The following USP32 variants were observed in gnomAD, a reference collection of about 807,000 sequenced individuals.
USP32 encodes ubiquitin specific peptidase 32.
In USP32, 59 loss-of-function variants were observed where a neutral mutation model predicts 204.8. That is an observed-to-expected ratio of 0.29 (90% confidence interval 0.23 to 0.36). USP32 has a LOEUF of 0.36. Ranked by LOEUF, USP32 falls within the 10% of genes least tolerant of loss-of-function variation. The pLI, the probability that USP32 is intolerant of heterozygous loss-of-function variation, is 1.00. For synonymous variants in USP32, 517 were observed against 678.4 expected (o/e 0.76, Z 3.70); for missense variants, 1,160 against 1,946.4 (o/e 0.60, Z 7.60).
chr17:60,400,100 GATT>G (rs1165965726), intron 1 of USP32, among the ~76,000 whole-genome samples: 1 of 152,078 alleles, frequency 6.6e-6, no homozygotes, highest in Non-Finnish European at 1.5e-5. Flanking sequence ...GAGTAGCTGG[GATT>G]ATAGGCATGC....
chr17:60,304,080 T>C (rs561519413), intron 2 of USP32, among the ~76,000 whole-genome samples: 36 of 151,954 alleles, frequency 2.4e-4, no homozygotes, highest in Non-Finnish European at 4.6e-4. Flanking sequence ...ACAAGCAGAA[T>C]AGATCACACC....
rs761050329 is a variant in USP32, at chr17:60,391,957, G to A, written c.-18C>T. 5 of 1,607,184 alleles carry A rather than the reference G, an allele frequency of 3.1e-6. No individual in the cohort carries two copies. Among genetic ancestry groups the A allele is most frequent in the South Asian group, 1.1e-5 (1 of 90,068 alleles). ...GCACCCATGCTCCCCTCATCCCCTC[G>A]GCGGGGGGTCGGAGCCTGATCTCGC... On this transcript the variant is annotated 5_prime_UTR_variant, in exon 1 of 34. Transcript: ENST00000300896.
intron 1 of USP32, among the ~76,000 whole-genome samples, chr17:60,374,862 A>G (rs2089509930): frequency 6.6e-6 from 1 of 152,354 alleles, no homozygotes; most frequent in Non-Finnish European, 1.5e-5. Flanking sequence ...TCCATCGTTA[A>G]CCAAAACATC....
chr17:60,402,287 G>C (rs111675414), intron 1 of USP32, among the ~76,000 whole-genome samples: 129 of 114,840 alleles, frequency 1.1e-3, no homozygotes, highest in African/African-American at 3.9e-3. Context: ...GTCTCACTCT[G>C]TTGCCCAGGC....
In USP32 at chr17:60,329,651, C is replaced by A. The variant is rs146908333; in HGVS notation, c.186+15830G>T. Among the ~76,000 whole-genome samples, 823 of 152,104 alleles carry A rather than the reference C, an allele frequency of 5.4e-3. 6 individuals carry two copies. The highest frequency in any genetic ancestry group is 0.019 in the African/African-American group (789 of 41,480). On this transcript the variant is annotated intron_variant, in intron 2 of 33. Transcript: ENST00000300896. ...ATAGAACACTCCTTATTACTTTTCT[C>A]CCTTCCTCAACTCTTAAAAGCAAAG...
chr17:60,187,714 T>G (rs1425832692), intron 29 of USP32, among the ~76,000 whole-genome samples: 1 of 152,252 alleles, frequency 6.6e-6, no homozygotes, highest in Admixed American at 6.5e-5. Context: ...AACATATTTG[T>G]GGACTGTACT....
chr17:60,363,580 C>T (rs946585925), intron 1 of USP32, among the ~76,000 whole-genome samples: 1 of 151,518 alleles, frequency 6.6e-6, no homozygotes, highest in Non-Finnish European at 1.5e-5. Context: ...CAGTAGTGCA[C>T]TGTAGGCTTG....
chr17:60,347,913 G>C (rs1361572043), intron 1 of USP32, among the ~76,000 whole-genome samples: 1 of 151,628 alleles, frequency 6.6e-6, no homozygotes, highest in African/African-American at 2.4e-5. Context: ...ACGAGGTCAG[G>C]AGATCCAGAC....
chr17:60,231,058 T>C (rs2085534662), intron 12 of USP32, among the ~76,000 whole-genome samples: 1 of 152,202 alleles, frequency 6.6e-6, no homozygotes, highest in Non-Finnish European at 1.5e-5. Flanking sequence ...TAGAGAGAAA[T>C]GTCCTCATTT....
chr17:60,255,141 T>C, intron 10 of USP32, 34 bp downstream of exon 10: 1 of 1,513,276 alleles, frequency 6.6e-7, no homozygotes, highest in East Asian at 2.3e-5. Flanking sequence ...CTGGTACTAC[T>C]ACCCTCTGTT....
intron 2 of USP32, among the ~76,000 whole-genome samples, chr17:60,323,026 G>A (rs1461380309): frequency 2.0e-5 from 3 of 152,118 alleles, no homozygotes; most frequent in Non-Finnish European, 4.4e-5. Context: ...TAGGGAAATT[G>A]GAACCCACAT....
intron 1 of USP32, among the ~76,000 whole-genome samples, chr17:60,360,518 G>T (rs1246984268): frequency 6.6e-6 from 1 of 151,690 alleles, no homozygotes; most frequent in Non-Finnish European, 1.5e-5. Flanking sequence ...AGTTAGCCAG[G>T]CGTGGTGGCA....
At chr17:60,410,746 T>C (rs2090011329) in intron 1 of USP32, among the ~76,000 whole-genome samples, 1 of 152,064 alleles carries the variant, frequency 6.6e-6, no homozygotes, top group Non-Finnish European at 1.5e-5. Context: ...TATAATGCTA[T>C]ATAAATCACA....
At chr17:60,192,750 A>T in intron 28 of USP32, 94 bp downstream of exon 28, 1 of 1,443,410 alleles carries the variant, frequency 6.9e-7, no homozygotes, top group Non-Finnish European at 9.6e-7. Flanking sequence ...CTCATTATTC[A>T]CTATTTACTT....
intron 26 of USP32, among the ~76,000 whole-genome samples, chr17:60,200,257 C>G (rs1031102509): frequency 3.3e-5 from 5 of 151,588 alleles, no homozygotes; most frequent in African/African-American, 1.2e-4. Flanking sequence ...AAATAAAAAT[C>G]AGAGGTAAAA....
At chr17:60,336,003 T>C (rs1359384031) in intron 2 of USP32, among the ~76,000 whole-genome samples, 1 of 143,214 alleles carries the variant, frequency 7.0e-6, no homozygotes, top group Non-Finnish European at 1.5e-5. Context: ...TTTTATCGTC[T>C]ACTACACTAG....
In USP32 at chr17:60,183,185, T is replaced by G. The variant is rs1445620759; in HGVS notation, c.4103A>C (p.Asn1368Thr). Residue 1368 changes from asparagine (N) to threonine (T), a missense_variant, in exon 31 of 34, where the codon AAC becomes ACC. Asn to Thr is a moderately conservative substitution (Grantham distance 65). Around this residue, in one of 8 missense-constraint regions of USP32, gnomAD observed 244 missense variants for 342.3 expected, o/e 0.71. Transcript: ENST00000300896. ...LSKSPSSLSA[N>T]IISSPKGSPS... ...CTCACCTTTCGGGCTGCTGATGATG[T>G]TAGCGCTGAGTGAGGATGGGCTTTT... 1 of 1,613,662 alleles carries G rather than the reference T, an allele frequency of 6.2e-7. No homozygotes were observed. Among genetic ancestry groups the G allele is most frequent in the South Asian group, 1.1e-5 (1 of 91,044 alleles).
At position 60,237,096 on chromosome 17, in the gene USP32, TA is replaced by T. The variant is rs546144582; in HGVS notation, c.1137-857del. Among the ~76,000 whole-genome samples the T allele has an allele frequency of 1.0e-3, 145 of 145,676 alleles. 1 individual carries two copies. The East Asian group carries it at 0.011, about 11-fold the overall frequency. ...GTGAAACACTGTTACACTGGGATTA[TA>T]AAAAAAAAAATCTACTCTATCTATC... On this transcript the variant is annotated intron_variant, in intron 11 of 33. Coordinates refer to ENST00000300896, the MANE Select transcript of USP32 (RefSeq NM_032582.4).
chr17:60,359,193 C>T (rs1598283446), intron 1 of USP32, among the ~76,000 whole-genome samples: 1 of 152,078 alleles, frequency 6.6e-6, no homozygotes, highest in Non-Finnish European at 1.5e-5. Context: ...GTTAGGTGTC[C>T]CTCCTACAAA....
Sources: allele counts gnomAD v4.1 joint callset (sites outside exome capture counted in the v4.1 genomes callset), GRCh38; gene constraint gnomAD v4.1.1; regional missense constraint gnomAD v4.1.1; transcripts MANE v1.5; gene names NCBI Gene and HGNC (gene_info 2026-07-23, HGNC 2026-07-21).